The following FRMD4B variants were observed in gnomAD, a reference collection of about 807,000 sequenced individuals.
FRMD4B encodes FERM domain containing 4B, also known as FERM domain-containing protein 4B.
Under a neutral mutation model 141.5 loss-of-function variants are expected in FRMD4B, and 74 were observed. That is an observed-to-expected ratio of 0.52 (90% CI 0.43 to 0.63). FRMD4B has a LOEUF of 0.63. Ranked by LOEUF, FRMD4B falls within the 30% of genes least tolerant of loss-of-function variation. The probability of loss-of-function intolerance (pLI) is 0.00; values close to 1 mark genes in which losing one functional copy is unlikely to be tolerated. For synonymous variants in FRMD4B, 506 were observed against 467.9 expected, an observed-to-expected ratio of 1.08 and a Z score of -1.05; for missense variants, 1,366 against 1,253.4, an observed-to-expected ratio of 1.09 and a Z score of -1.36.
chr3:69,485,094 C>G (rs1706192265), intron 1 of FRMD4B, among the ~76,000 whole-genome samples: 1 of 152,166 alleles, frequency 6.6e-6, no homozygotes, highest in African/African-American at 2.4e-5. Flanking sequence ...CTCAACCCCC[C>G]TCAACTTCCC....
chr3:69,426,074 A>G (rs1705072328), intron 2 of FRMD4B, among the ~76,000 whole-genome samples: 1 of 152,246 alleles, frequency 6.6e-6, no homozygotes, highest in South Asian at 2.1e-4. Context: ...CCTCACACAA[A>G]GGCAACTCTA....
chr3:69,327,271 C>G (rs1479134374), intron 1 of FRMD4B, among the ~76,000 whole-genome samples: 2 of 152,160 alleles, frequency 1.3e-5, no homozygotes, highest in African/African-American at 4.8e-5. Flanking sequence ...AGTACTGCGT[C>G]TTTCAAAGAC....
intron 11 of FRMD4B, among the ~76,000 whole-genome samples, chr3:69,214,404 G>T (rs1192995486): frequency 2.0e-5 from 3 of 152,176 alleles, no homozygotes; most frequent in African/African-American, 7.2e-5. Flanking sequence ...GTGATGGCAG[G>T]ATGGCACAGG....
intron 1 of FRMD4B, among the ~76,000 whole-genome samples, chr3:69,333,180 T>C (rs1452785792): frequency 1.3e-5 from 2 of 152,056 alleles, no homozygotes; most frequent in Non-Finnish European, 2.9e-5. Context: ...CTGCAGTCAA[T>C]GAAAAAAATA....
chr3:69,500,861 T>C (rs902792013), intron 1 of FRMD4B, among the ~76,000 whole-genome samples: 2 of 151,938 alleles, frequency 1.3e-5, no homozygotes, highest in African/African-American at 4.8e-5. Context: ...GAAGCACAAA[T>C]AAAGAATCCC....
At chr3:69,334,469 A>AC (rs1491477921) in intron 1 of FRMD4B, 1 of 120,512 alleles carries the variant, frequency 8.3e-6, no homozygotes, top group East Asian at 2.1e-4. Flanking sequence ...CCTTATCTCT[A>AC]CAAAAAAAAA....
chr3:69,524,689 A>G (rs1274813015), intron 1 of FRMD4B, among the ~76,000 whole-genome samples: 1 of 152,166 alleles, frequency 6.6e-6, no homozygotes, highest in Admixed American at 6.5e-5. Flanking sequence ...ATCTAGCTCA[A>G]GGGAAGGAAG....
intron 1 of FRMD4B, among the ~76,000 whole-genome samples, chr3:69,353,982 C>A (rs966850251): frequency 6.6e-6 from 1 of 152,166 alleles, no homozygotes; most frequent in Non-Finnish European, 1.5e-5. Context: ...ATAGGCGATG[C>A]CATGTATGAA....
chr3:69,388,555 T>G (rs1268849348), upstream of FRMD4B, among the ~76,000 whole-genome samples: 1 of 152,118 alleles, frequency 6.6e-6, no homozygotes, highest in Non-Finnish European at 1.5e-5. Flanking sequence ...GAGCTAAATC[T>G]TCTAAAAGAG....
chr3:69,204,714 G>A (rs995189883), intron 11 of FRMD4B, among the ~76,000 whole-genome samples: 2 of 152,176 alleles, frequency 1.3e-5, no homozygotes, highest in African/African-American at 2.4e-5. Context: ...GGAGGGTACA[G>A]GCTGTCGAAG....
intron 11 of FRMD4B, chr3:69,200,522 A>G: frequency 9.5e-7 from 1 of 1,050,122 alleles, no homozygotes; most frequent in Non-Finnish European, 1.2e-6. Flanking sequence ...ACTGAGTTTC[A>G]TAAGACACTT....
At chr3:69,542,512 T>C (rs941323421) in exon 1 of FRMD4B, 1 of 152,842 alleles carries the variant, frequency 6.5e-6, no homozygotes, top group Non-Finnish European at 1.5e-5. Flanking sequence ...CGTCCTCGCT[T>C]TGCTCCACAC....
At chr3:69,420,043 G>C (rs1704943853) in intron 2 of FRMD4B, among the ~76,000 whole-genome samples, 2 of 152,128 alleles carry the variant, frequency 1.3e-5, no homozygotes, top group Non-Finnish European at 1.5e-5. Context: ...TTTCAGTGGA[G>C]ACAGGGTTTC....
chr3:69,399,426 A>G (rs1383020199), intron 2 of FRMD4B, among the ~76,000 whole-genome samples: 1 of 152,188 alleles, frequency 6.6e-6, no homozygotes, highest in Non-Finnish European at 1.5e-5. Flanking sequence ...GTATCCCAAC[A>G]TCTCTATATT....
At chr3:69,198,923 A>T (rs1052661265) in intron 11 of FRMD4B, 149 bp from the exon 12 acceptor site, 18 of 613,934 alleles carry the variant, frequency 2.9e-5, no homozygotes, top group Non-Finnish European at 5.0e-5. Flanking sequence ...TTTACAAATC[A>T]ACTATGACCT....
chr3:69,169,966 T>A lies in FRMD4B; in HGVS notation c.*1895A>T, dbSNP rs1026216886. The A allele has an allele frequency of 6.6e-6, 1 of 152,146 alleles. No homozygotes were observed. Among genetic ancestry groups the A allele is most frequent in the Non-Finnish European group, 1.5e-5 (1 of 68,038 alleles). 9.4% of individuals were successfully genotyped at this position (152,146 alleles called of 1,614,324 possible). A position where few individuals can be genotyped will look rare whatever the true frequency, so the allele number is the denominator to read the frequency against. ...AAAACCTAAAAGTTCTCACCAGTCA[T>A]CCTCAGTGAGACAAACTACCGCATT... On this transcript the variant is annotated 3_prime_UTR_variant, in exon 23 of 23. Coordinates refer to ENST00000398540, the MANE Select transcript of FRMD4B (RefSeq NM_015123.3).
chr3:69,370,123 T>C (rs1375535549), intron 1 of FRMD4B, among the ~76,000 whole-genome samples: 1 of 151,850 alleles, frequency 6.6e-6, no homozygotes, highest in Non-Finnish European at 1.5e-5. Flanking sequence ...TTTTTTTTTT[T>C]TTCTTTTGCT....
intron 4 of FRMD4B, among the ~76,000 whole-genome samples, chr3:69,291,511 G>A (rs779525560): frequency 2.0e-4 from 30 of 152,196 alleles, no homozygotes; most frequent in Non-Finnish European, 3.1e-4. Context: ...ATAAATGAGT[G>A]ATGCTGACCA....
chr3:69,449,997 T>C (rs927528804), intron 1 of FRMD4B, among the ~76,000 whole-genome samples: 1 of 152,226 alleles, frequency 6.6e-6, no homozygotes, highest in South Asian at 2.1e-4. Context: ...TTTACCTTCC[T>C]CAGCCTCAGT....
Sources: gnomAD v4.1 joint callset for allele counts (sites outside exome capture counted in the v4.1 genomes callset) on GRCh38, gnomAD v4.1.1 for gene constraint, MANE v1.5 for transcripts, NCBI Gene and HGNC (gene_info 2026-07-23, HGNC 2026-07-21) for gene names.